Variants in CUEDC1 observed in about 807,000 individuals in gnomAD.
CUEDC1 encodes CUE domain containing 1.
Under a neutral mutation model 43.7 loss-of-function variants are expected in CUEDC1, and 30 were observed. That is an observed-to-expected ratio of 0.69 (90% CI 0.51 to 0.93). The LOEUF (loss-of-function observed/expected upper bound fraction) is 0.93, where lower values mean the gene tolerates loss of function less well. CUEDC1 is among the 40% of genes least tolerant of loss of function. The pLI, the probability that CUEDC1 is intolerant of heterozygous loss-of-function variation, is 0.00. For synonymous variants in CUEDC1, 223 were observed against 223.6 expected, an observed-to-expected ratio of 1.00 and a Z score of 0.02; for missense variants, 486 against 549.0, an observed-to-expected ratio of 0.89 and a Z score of 1.15.
At chr17:57,866,340 A>G (rs927256400) in intron 10 of CUEDC1, 134 bp downstream of exon 10, 30 of 679,844 alleles carry the variant, frequency 4.4e-5, no homozygotes, top group Non-Finnish European at 7.7e-5. Flanking sequence ...ACTATGAGGG[A>G]AGACACGTGG....
At chr17:57,937,174 C>T (rs1353151503) in intron 1 of CUEDC1, among the ~76,000 whole-genome samples, 1 of 152,158 alleles carries the variant, frequency 6.6e-6, no homozygotes, top group East Asian at 1.9e-4. Context: ...TGGAATCAGC[C>T]TGGCCTCAGC....
Position 57,867,463 on chromosome 17 carries a change from C to T in CUEDC1, c.1035-48G>A, listed in dbSNP as rs745677679. The T allele has an allele frequency of 1.9e-5, 29 of 1,499,812 alleles. No homozygotes were observed. The African/African-American group carries it at 2.1e-4, about 11-fold the overall frequency. 92.9% of individuals were successfully genotyped at this position (1,499,812 alleles called of 1,614,324 possible). A position where few individuals can be genotyped will look rare whatever the true frequency, so the allele number is the denominator to read the frequency against. On this transcript the variant is annotated intron_variant, in intron 8 of 10. Transcript: ENST00000577830. ...CGTCCCAGGGATGAGGGGACACTGC[C>T]CTAGTCCTCCCAGTCCCACTGACTC...
chr17:57,905,684 C>T (rs144548741), intron 1 of CUEDC1, among the ~76,000 whole-genome samples: 37 of 152,348 alleles, frequency 2.4e-4, no homozygotes, highest in Admixed American at 5.9e-4. Flanking sequence ...CCAACACCTT[C>T]CAGTGCCAAA....
At chr17:57,878,017 C>T (rs1008639507) in intron 3 of CUEDC1, among the ~76,000 whole-genome samples, 4 of 152,114 alleles carry the variant, frequency 2.6e-5, no homozygotes, top group African/African-American at 9.7e-5. Context: ...CACTCCAGTA[C>T]AGCCTGCCAG....
At chr17:57,884,604 C>T (rs1283326834) in intron 2 of CUEDC1, among the ~76,000 whole-genome samples, 7 of 152,178 alleles carry the variant, frequency 4.6e-5, no homozygotes. Flanking sequence ...GCCAGTGAGG[C>T]ACTATTTCAC....
chr17:57,945,474 G>A (rs371049482), intron 1 of CUEDC1, among the ~76,000 whole-genome samples: 9 of 152,132 alleles, frequency 5.9e-5, no homozygotes, highest in African/African-American at 1.9e-4. Context: ...AAAGACATCC[G>A]CATAAACATT....
intron 8 of CUEDC1, chr17:57,867,667 C>A (rs1032139206): frequency 5.2e-6 from 3 of 573,474 alleles, no homozygotes; most frequent in Non-Finnish European, 9.4e-6. Flanking sequence ...TTCCCTCTGG[C>A]TGCTGAGCCT....
intron 1 of CUEDC1, among the ~76,000 whole-genome samples, chr17:57,933,158 G>A (rs1352540221): frequency 6.6e-6 from 1 of 151,958 alleles, no homozygotes; most frequent in Non-Finnish European, 1.5e-5. Context: ...CCCCTGCCTG[G>A]GCCCCACCCA....
At chr17:57,906,752 C>T (rs1245444710) in intron 1 of CUEDC1, among the ~76,000 whole-genome samples, 2 of 152,112 alleles carry the variant, frequency 1.3e-5, no homozygotes, top group African/African-American at 2.4e-5. Flanking sequence ...GGGTGGATCA[C>T]CTGAGATAGG....
chr17:57,873,671 G>A lies in CUEDC1; in HGVS notation c.511C>T (p.Arg171Trp), dbSNP rs775272985. 46 of 1,605,124 alleles carry A rather than the reference G, an allele frequency of 2.9e-5. No individual in the cohort carries two copies. The highest frequency in any genetic ancestry group is 4.5e-5 in the South Asian group (4 of 89,514). ...SGAPTSQRRY[R>W]NWNPPLLGNL... The stretch of plus-strand genomic sequence containing the variant: ...CCCAGCAGTGGTGGGTTCCAGTTCC[G>A]ATAGCGTCTCTGGCTTGTAGGGGCT... Residue 171 changes from arginine to tryptophan, a missense_variant, in exon 4 of 11, where the codon CGG becomes TGG. Transcript: ENST00000577830.
Position 57,861,905 on chromosome 17 carries a change from C to T in CUEDC1, c.*1384G>A, listed in dbSNP as rs1351767316. ...CCCGAGCCAGCGTCCCGGCCCCGCG[C>T]GCGTTTCCAAACTTGGTCACGCTCG... On this transcript the variant is annotated 3_prime_UTR_variant, in exon 11 of 11. Transcript: ENST00000577830. The T allele has an allele frequency of 6.6e-6, 1 of 152,088 alleles. No homozygotes were observed. Among genetic ancestry groups the T allele is most frequent in the Non-Finnish European group, 1.5e-5 (1 of 68,018 alleles). 9.4% of individuals were successfully genotyped at this position (152,088 alleles called of 1,614,324 possible).
chr17:57,871,261 T>G, intron 6 of CUEDC1, 25 bp downstream of exon 6: 1 of 1,587,058 alleles, frequency 6.3e-7, no homozygotes. Context: ...GCCTCTAGGT[T>G]TTCTTCCCCA....
In CUEDC1 at chr17:57,940,899, G is replaced by A. The variant is rs142362509; in HGVS notation, c.-316+14326C>T. 1.1e-3 allele frequency among the ~76,000 whole-genome samples: 161 copies of A among 152,290 alleles called. 1 individual carries two copies. Among genetic ancestry groups the A allele is most frequent in the African/African-American group, 3.7e-3 (154 of 41,552 alleles). Reference sequence around the variant, plus strand: ...TACAGGTGCAAAGCAGAACTCCCACGCAGCCCCTGGCTAACCTGAGCCCCA... The same window carrying A: ...TACAGGTGCAAAGCAGAACTCCCACACAGCCCCTGGCTAACCTGAGCCCCA... On this transcript the variant is annotated intron_variant, in intron 1 of 10. Coordinates refer to ENST00000577830, the MANE Select transcript of CUEDC1 (RefSeq NM_001271875.2).
intron 1 of CUEDC1, among the ~76,000 whole-genome samples, chr17:57,934,451 G>C (rs1295569217): frequency 6.6e-6 from 1 of 151,402 alleles, no homozygotes; most frequent in Non-Finnish European, 1.5e-5. Context: ...CAGCTACTTG[G>C]GAGGCTGAGG....
intron 10 of CUEDC1, among the ~76,000 whole-genome samples, chr17:57,865,323 G>A (rs2073941944): frequency 6.6e-6 from 1 of 152,206 alleles, no homozygotes. Flanking sequence ...GATGTGGTAG[G>A]GAGTCAGGTG....
intron 1 of CUEDC1, among the ~76,000 whole-genome samples, chr17:57,944,994 A>C (rs2074948005): frequency 6.6e-6 from 1 of 152,064 alleles, no homozygotes; most frequent in Non-Finnish European, 1.5e-5. Flanking sequence ...GGCCTCAACA[A>C]TGTTTCAGAC....
intron 1 of CUEDC1, among the ~76,000 whole-genome samples, chr17:57,913,170 AC>A (rs1300864355): frequency 6.6e-6 from 1 of 152,138 alleles, no homozygotes. Flanking sequence ...TACTAAAAAT[AC>A]AAAAAAATTA....
At chr17:57,912,221 C>T (rs1422952441) in intron 1 of CUEDC1, 1 of 152,234 alleles carries the variant, frequency 6.6e-6, no homozygotes, top group African/African-American at 2.4e-5. Flanking sequence ...TGCAGTCACA[C>T]CCTCGTGTAA....
At chr17:57,940,424 C>T (rs1225884252) in intron 1 of CUEDC1, among the ~76,000 whole-genome samples, 1 of 152,144 alleles carries the variant, frequency 6.6e-6, no homozygotes, top group Non-Finnish European at 1.5e-5. Context: ...CCCATGTGAC[C>T]AGCTCTGGAC....
Sources: gnomAD v4.1 joint callset for allele counts (sites outside exome capture counted in the v4.1 genomes callset) on GRCh38, gnomAD v4.1.1 for gene constraint, MANE v1.5 for transcripts, NCBI Gene and HGNC (gene_info 2026-07-23, HGNC 2026-07-21) for gene names.